Variants in ERC2 observed in about 807,000 individuals in gnomAD.
The protein encoded by ERC2 is ERC protein 2.
Under a neutral mutation model 114.8 loss-of-function variants are expected in ERC2, and 42 were observed. That is an observed-to-expected ratio of 0.37 (90% CI 0.29 to 0.47). ERC2 has a LOEUF of 0.47. ERC2 is among the 20% of genes least tolerant of loss of function. The pLI is 0.99. For synonymous variants in ERC2, 454 were observed against 425.5 expected, an observed-to-expected ratio of 1.07 and a Z score of -0.82; for missense variants, 939 against 1,150.7, an observed-to-expected ratio of 0.82 and a Z score of 2.66.
chr3:56,182,264 T>C (rs1242192425), intron 3 of ERC2, among the ~76,000 whole-genome samples: 3 of 152,182 alleles, frequency 2.0e-5, no homozygotes, highest in Non-Finnish European at 4.4e-5. Context: ...CATGTCTGTG[T>C]ATATCATGGA....
At chr3:55,796,591 A>G (rs1440187884) in intron 14 of ERC2, among the ~76,000 whole-genome samples, 2 of 152,084 alleles carry the variant, frequency 1.3e-5, no homozygotes, top group African/African-American at 4.8e-5. Context: ...ACGCCCAGCT[A>G]ACTTTTGTAT....
intron 3 of ERC2, among the ~76,000 whole-genome samples, chr3:56,190,258 G>T (rs1187565758): frequency 6.6e-6 from 1 of 152,138 alleles, no homozygotes; most frequent in East Asian, 1.9e-4. Context: ...CCACCAACAA[G>T]CTGTGAAACC....
At chr3:56,134,935 T>TGTTTTG in intron 6 of ERC2, among the ~76,000 whole-genome samples, 2 of 147,422 alleles carry the variant, frequency 1.4e-5, no homozygotes, top group South Asian at 4.4e-4. Context: ...TTTTTGTTTT[T>TGTTTTG]GTTTTTGTTT....
At chr3:55,780,395 C>G (rs1411739617) in intron 14 of ERC2, among the ~76,000 whole-genome samples, 1 of 152,090 alleles carries the variant, frequency 6.6e-6, no homozygotes, top group Admixed American at 6.6e-5. Context: ...AGCTCTACGT[C>G]AACCTGCACT....
intron 14 of ERC2, among the ~76,000 whole-genome samples, chr3:55,801,078 C>T (rs936425934): frequency 6.6e-6 from 1 of 152,208 alleles, no homozygotes; most frequent in Non-Finnish European, 1.5e-5. Context: ...TGTGCCCACA[C>T]CTTTGGAATT....
chr3:56,461,037 A>G (rs1380810413), intron 1 of ERC2, among the ~76,000 whole-genome samples: 1 of 151,308 alleles, frequency 6.6e-6, no homozygotes, highest in East Asian at 1.9e-4. Flanking sequence ...GGTGCACTAT[A>G]CAATATGTCT....
chr3:56,226,800 T>G (rs1213327167), intron 3 of ERC2, among the ~76,000 whole-genome samples: 3 of 152,114 alleles, frequency 2.0e-5, no homozygotes, highest in Admixed American at 1.3e-4. Flanking sequence ...CTTGGCAACC[T>G]CCACCTTCCT....
intron 14 of ERC2, among the ~76,000 whole-genome samples, chr3:55,765,941 T>A (rs2067749489): frequency 6.6e-6 from 1 of 151,978 alleles, no homozygotes. Flanking sequence ...GGCAGTAGAG[T>A]AGGGTGCAGT....
At chr3:56,250,641 C>T (rs540185603) in intron 3 of ERC2, among the ~76,000 whole-genome samples, 2 of 152,308 alleles carry the variant, frequency 1.3e-5, no homozygotes, top group East Asian at 1.9e-4. Flanking sequence ...TCAGGAAGCA[C>T]TTCAGGAAGC....
rs2150035804 is a variant in ERC2 at position 56,177,934 on chromosome 3, G to T, written c.1075-4414C>A. On this transcript the variant is annotated intron_variant, in intron 3 of 17. Transcript: ENST00000288221. ...CAGAAAAAAATAAGGGAAGAAAATT[G>T]GTGGCATCACAAAATTTAACATCTC... Among the ~76,000 whole-genome samples the T allele has an allele frequency of 2.6e-5, 4 of 152,244 alleles. No homozygotes were observed. In the South Asian group the frequency reaches 8.3e-4, roughly 32 times the overall value.
chr3:56,113,787 T>C (rs570545017), intron 6 of ERC2, among the ~76,000 whole-genome samples: 81 of 152,290 alleles, frequency 5.3e-4, no homozygotes, highest in Non-Finnish European at 9.1e-4. Flanking sequence ...CCAGGTTACC[T>C]ACACTTCCAT....
At chr3:55,835,408 T>A (rs2060827813) in intron 14 of ERC2, among the ~76,000 whole-genome samples, 1 of 152,158 alleles carries the variant, frequency 6.6e-6, no homozygotes, top group African/African-American at 2.4e-5. Context: ...TCCACCATGA[T>A]CAAGTGGGCT....
intron 2 of ERC2, among the ~76,000 whole-genome samples, chr3:56,403,428 A>T (rs931585284): frequency 3.3e-5 from 5 of 152,242 alleles, no homozygotes; most frequent in Non-Finnish European, 5.9e-5. Flanking sequence ...TCCAGTGCTC[A>T]ATAGCCAGAA....
At chr3:55,727,949 G>C (rs528320018) in intron 15 of ERC2, among the ~76,000 whole-genome samples, 2 of 152,184 alleles carry the variant, frequency 1.3e-5, no homozygotes, top group African/African-American at 4.8e-5. Flanking sequence ...GTGGTCATCA[G>C]TTGACACACA....
chr3:56,385,168 T>A (rs1171013715), intron 2 of ERC2, among the ~76,000 whole-genome samples: 1 of 152,086 alleles, frequency 6.6e-6, no homozygotes, highest in African/African-American at 2.4e-5. Context: ...AATAGAAAAT[T>A]TATTTCTTAT....
At chr3:56,328,926 G>C (rs2057485864) in intron 2 of ERC2, among the ~76,000 whole-genome samples, 4 of 152,226 alleles carry the variant, frequency 2.6e-5, no homozygotes, top group Admixed American at 1.3e-4. Context: ...TGCTCTGAGA[G>C]CTAGCTTCTT....
chr3:56,379,597 T>C (rs1239588755), intron 2 of ERC2, among the ~76,000 whole-genome samples: 1 of 152,100 alleles, frequency 6.6e-6, no homozygotes. Flanking sequence ...ACTCGAGCAG[T>C]CTGACTCTAC....
At chr3:55,591,574 C>CGTGT (rs3059305) in intron 17 of ERC2, among the ~76,000 whole-genome samples, 5,812 of 148,230 alleles carry the variant, frequency 0.039, 106 homozygotes, top group South Asian at 0.059. Flanking sequence ...AGTTTGTGTG[C>CGTGT]GTGTGTGTGT....
intron 13 of ERC2, among the ~76,000 whole-genome samples, chr3:55,894,914 T>G (rs951098260): frequency 3.9e-5 from 6 of 152,238 alleles, no homozygotes; most frequent in Admixed American, 3.9e-4. Flanking sequence ...TAGTAATTAT[T>G]CAGCCTATCT....
Sources: gnomAD v4.1 joint callset for allele counts (sites outside exome capture counted in the v4.1 genomes callset) on GRCh38, gnomAD v4.1.1 for gene constraint, MANE v1.5 for transcripts, NCBI Gene and HGNC (gene_info 2026-07-23, HGNC 2026-07-21) for gene names.